The following FRMD3 variants were observed in gnomAD, a reference collection of about 807,000 sequenced individuals.
FRMD3 encodes FERM domain containing 3.
A neutral mutation model predicts 70.2 loss-of-function variants in FRMD3; 33 were observed. The observed-to-expected ratio is 0.47, with a 90% CI of 0.36 to 0.63. The LOEUF is 0.63. Ranked by LOEUF, FRMD3 falls within the 20% of genes least tolerant of loss-of-function variation. FRMD3 has a pLI of 0.00. For synonymous variants in FRMD3, 279 were observed against 255.9 expected, an observed-to-expected ratio of 1.09 and a Z score of -0.86; for missense variants, 632 against 711.4, an observed-to-expected ratio of 0.89 and a Z score of 1.27.
intron 3 of FRMD3, among the ~76,000 whole-genome samples, chr9:83,352,483 T>C (rs1824193288): frequency 6.6e-6 from 1 of 152,114 alleles, no homozygotes; most frequent in African/African-American, 2.4e-5. Context: ...CCAGAACTGC[T>C]CCCCAGTGCT....
intron 9 of FRMD3, 51 bp from the exon 10 acceptor site, chr9:83,309,675 T>A: frequency 8.2e-7 from 1 of 1,215,860 alleles, no homozygotes; most frequent in Non-Finnish European, 1.2e-6. Context: ...ACCATTTACA[T>A]TTTCCATGGG....
intron 13 of FRMD3, chr9:83,267,169 G>A (rs975467622): frequency 5.2e-6 from 8 of 1,550,364 alleles, no homozygotes; most frequent in East Asian, 4.9e-5. Flanking sequence ...TGGTCTCCTC[G>A]GCCTGCATGG....
intron 1 of FRMD3, among the ~76,000 whole-genome samples, chr9:83,509,512 T>C (rs1280428964): frequency 6.6e-6 from 1 of 152,214 alleles, no homozygotes; most frequent in Non-Finnish European, 1.5e-5. Context: ...GCTGAATAGC[T>C]GCTGTCAATA....
intron 1 of FRMD3, among the ~76,000 whole-genome samples, chr9:83,399,141 C>T (rs118116466): frequency 3.7e-4 from 56 of 152,266 alleles, no homozygotes; most frequent in Non-Finnish European, 6.2e-4. Flanking sequence ...ATAGTGCATC[C>T]AGGAGAAGAT....
chr9:83,350,865 G>A (rs1824133242), intron 3 of FRMD3: 2 of 517,346 alleles, frequency 3.9e-6, no homozygotes, highest in East Asian at 3.0e-4. Flanking sequence ...CTACCGACTT[G>A]TAATATTACA....
intron 1 of FRMD3, among the ~76,000 whole-genome samples, chr9:83,434,903 T>C (rs1827090634): frequency 2.2e-5 from 3 of 137,566 alleles, no homozygotes; most frequent in African/African-American, 8.0e-5. Context: ...CTCGGCTCAC[T>C]GCAGCCTCTG....
intron 1 of FRMD3, among the ~76,000 whole-genome samples, chr9:83,490,193 G>A (rs1298099404): frequency 6.6e-6 from 1 of 152,174 alleles, no homozygotes; most frequent in African/African-American, 2.4e-5. Context: ...TAGCAAAAGA[G>A]TCCATTCAAA....
At chr9:83,536,930 T>TAGAAAAAAAAAAAAAAA (rs1829905097) in intron 1 of FRMD3, among the ~76,000 whole-genome samples, 1 of 60,894 alleles carries the variant, frequency 1.6e-5, no homozygotes, top group African/African-American at 6.1e-5. Context: ...TGTATTACAC[T>TAGAAAAAAAAAAAAAAA]AAAAAAAAAA....
At chr9:83,559,650 T>C in the FRMD3 span, among the ~76,000 whole-genome samples, 1 of 152,226 alleles carries the variant, frequency 6.6e-6, no homozygotes, top group Admixed American at 6.5e-5. Flanking sequence ...TCATTTAAAA[T>C]CTATCACTAT....
chr9:83,451,806 T>A (rs1052425604), intron 1 of FRMD3, among the ~76,000 whole-genome samples: 1 of 152,242 alleles, frequency 6.6e-6, no homozygotes, highest in Non-Finnish European at 1.5e-5. Flanking sequence ...AAACTGCTTA[T>A]GAATTATTAA....
rs915576030 is a variant in FRMD3 at position 83,247,839 on chromosome 9, C to A, written c.*79G>T. The A allele has an allele frequency of 6.4e-7, 1 of 1,551,082 alleles. No homozygotes were observed. The highest frequency in any genetic ancestry group is 8.7e-7 in the Non-Finnish European group (1 of 1,149,300). ...GGAACACCTGTTGACAGCCCCGTGA[C>A]CCTTCAGAACCAGGCATTTGCTGAA... On this transcript the variant is annotated 3_prime_UTR_variant, in exon 14 of 14. Coordinates refer to ENST00000304195, the MANE Select transcript of FRMD3 (RefSeq NM_174938.6).
At chr9:83,459,677 C>T (rs1280150905) in intron 1 of FRMD3, among the ~76,000 whole-genome samples, 1 of 152,242 alleles carries the variant, frequency 6.6e-6, no homozygotes, top group African/African-American at 2.4e-5. Flanking sequence ...ATTCTGAAGC[C>T]TCCTCAGAAG....
At chr9:83,368,278 G>A (rs1432668984) in intron 3 of FRMD3, among the ~76,000 whole-genome samples, 1 of 151,842 alleles carries the variant, frequency 6.6e-6, no homozygotes. Context: ...TCACAGAACT[G>A]CACACAAAAA....
At chr9:83,483,647 C>T (rs772473335) in intron 1 of FRMD3, among the ~76,000 whole-genome samples, 5 of 152,042 alleles carry the variant, frequency 3.3e-5, no homozygotes, top group Non-Finnish European at 5.9e-5. Flanking sequence ...TCGCTTGAGA[C>T]CAGGAGTTTG....
the FRMD3 span, among the ~76,000 whole-genome samples, chr9:83,558,518 G>A: frequency 6.6e-6 from 1 of 152,320 alleles, no homozygotes; most frequent in East Asian, 1.9e-4. Flanking sequence ...TTGCTCTAAT[G>A]GAGATATATG....
At chr9:83,323,174 T>C (rs1289611129) in intron 6 of FRMD3, among the ~76,000 whole-genome samples, 1 of 152,266 alleles carries the variant, frequency 6.6e-6, no homozygotes, top group Non-Finnish European at 1.5e-5. Flanking sequence ...ATTCCACTCA[T>C]AGTTATATAC....
At chr9:83,455,588 C>A (rs1827796273) in intron 1 of FRMD3, among the ~76,000 whole-genome samples, 1 of 152,154 alleles carries the variant, frequency 6.6e-6, no homozygotes, top group South Asian at 2.1e-4. Flanking sequence ...CCAATTAAAC[C>A]TCTTTTTCTT....
intron 7 of FRMD3, among the ~76,000 whole-genome samples, chr9:83,313,133 G>A (rs976209460): frequency 2.0e-4 from 31 of 152,130 alleles, no homozygotes. Context: ...TTCCCCAGTT[G>A]TACCCCCAGA....
intron 4 of FRMD3, among the ~76,000 whole-genome samples, chr9:83,344,761 G>A (rs1215192917): frequency 6.6e-6 from 1 of 151,746 alleles, no homozygotes; most frequent in Non-Finnish European, 1.5e-5. Context: ...AATCACATGG[G>A]CCAATTCCTT....
Sources: allele counts gnomAD v4.1 joint callset (sites outside exome capture counted in the v4.1 genomes callset), GRCh38; gene constraint gnomAD v4.1.1; transcripts MANE v1.5; gene names NCBI Gene and HGNC (gene_info 2026-07-23, HGNC 2026-07-21).